Variants in CLASP1 observed in about 807,000 individuals in gnomAD.
CLASP1 encodes CLIP-associating protein 1.
In CLASP1, 38 loss-of-function variants were observed where a neutral mutation model predicts 192.3. The ratio of observed to expected loss-of-function variants is 0.20; its 90% CI spans 0.15 to 0.26. The LOEUF is 0.26. CLASP1 is among the 10% of genes least tolerant of loss of function. CLASP1 has a pLI of 1.00. For missense variants in CLASP1, 1,433 were observed against 1,932.5 expected (o/e 0.74, Z 4.85); for synonymous variants, 691 against 712.8 (o/e 0.97, Z 0.49).
rs191736856 is a variant in CLASP1, at chr2:121,433,167, C to A, written c.1913-2990G>T. Among the ~76,000 whole-genome samples the A allele has an allele frequency of 7.4e-4, 112 of 151,916 alleles. No homozygotes were observed. In the East Asian group the frequency reaches 0.022, roughly 29 times the overall value. On this transcript the variant is annotated intron_variant, in intron 19 of 39. Transcript: ENST00000263710. ...AGAAACCCCATTTCTACTAAAAATG[C>A]AAAAATTAGCTGGGCATGGTGGCGC... is the stretch of plus-strand genomic sequence containing the variant.
intron 6 of CLASP1, among the ~76,000 whole-genome samples, chr2:121,525,341 G>A (rs1489838059): frequency 6.6e-6 from 1 of 152,182 alleles, no homozygotes; most frequent in Non-Finnish European, 1.5e-5. Context: ...TTTAGGTAAA[G>A]TCTGCAGTTC....
chr2:121,397,966 C>T (rs192786190), intron 29 of CLASP1, among the ~76,000 whole-genome samples: 177 of 152,274 alleles, frequency 1.2e-3, no homozygotes, highest in African/African-American at 4.1e-3. Context: ...TCTCTACACA[C>T]AAGAATGTCT....
chr2:121,470,615 A>G (rs1239159689), intron 8 of CLASP1: 1 of 446,680 alleles, frequency 2.2e-6, no homozygotes, highest in Non-Finnish European at 4.4e-6. Context: ...ATTCCTCACC[A>G]TTAGAAATGC....
intron 14 of CLASP1, among the ~76,000 whole-genome samples, chr2:121,453,497 C>A (rs1412032699): frequency 6.6e-6 from 1 of 152,110 alleles, no homozygotes. Flanking sequence ...AGTGGTAGAG[C>A]AAGCCTTTTC....
At chr2:121,431,299 C>T (rs917785967) in intron 19 of CLASP1, among the ~76,000 whole-genome samples, 9 of 152,116 alleles carry the variant, frequency 5.9e-5, no homozygotes, top group African/African-American at 2.2e-4. Flanking sequence ...ATAATCTATA[C>T]AGAAGTGAAA....
intron 1 of CLASP1, among the ~76,000 whole-genome samples, chr2:121,623,877 TTTGAG>T (rs2106141025): frequency 6.6e-6 from 1 of 152,298 alleles, no homozygotes; most frequent in South Asian, 2.1e-4. Flanking sequence ...TCTATTTCTT[TTTGAG>T]TTAATTTCAG....
intron 1 of CLASP1, among the ~76,000 whole-genome samples, chr2:121,643,355 T>C (rs1011333022): frequency 2.0e-5 from 3 of 152,216 alleles, no homozygotes; most frequent in African/African-American, 7.2e-5. Context: ...AACTTCAATA[T>C]AAGCCAAGAT....
At chr2:121,353,819 C>A (rs544753537) in intron 37 of CLASP1, among the ~76,000 whole-genome samples, 1 of 152,270 alleles carries the variant, frequency 6.6e-6, no homozygotes, top group Non-Finnish European at 1.5e-5. Context: ...CAGATAGGGT[C>A]TTGCTCTGTT....
At chr2:121,514,505 TAA>T (rs1003135547) in intron 7 of CLASP1, among the ~76,000 whole-genome samples, 1 of 142,254 alleles carries the variant, frequency 7.0e-6, no homozygotes, top group Non-Finnish European at 1.5e-5. Context: ...CACAGGAACT[TAA>T]AAAAAAAAAA....
At position 121,531,039 on chromosome 2, in the gene CLASP1, C is replaced by G. The variant is rs72969389; in HGVS notation, c.196-714G>C. 4.6e-5 allele frequency: 32 copies of G among 698,970 alleles called. No homozygotes were observed. In the East Asian group the frequency reaches 4.8e-4, roughly 11 times the overall value. 43.3% of individuals were successfully genotyped at this position (698,970 alleles called of 1,614,324 possible). Reference sequence around the variant, plus strand: ...ACCTGTTTTCATAGACTTATCAGTTCAAACAGCAGTAATTCGTAAATAAAC... The same window carrying G: ...ACCTGTTTTCATAGACTTATCAGTTGAAACAGCAGTAATTCGTAAATAAAC... On this transcript the variant is annotated intron_variant, in intron 2 of 39. Transcript: ENST00000263710.
At position 121,636,737 on chromosome 2, in the gene CLASP1, G is replaced by A. The variant is rs367664727; in HGVS notation, c.-286+12635C>T. 9.9e-5 allele frequency among the ~76,000 whole-genome samples: 15 copies of A among 152,160 alleles called. No homozygotes were observed. In the South Asian group the frequency reaches 2.9e-3, roughly 30 times the overall value. On this transcript the variant is annotated intron_variant, in intron 1 of 39. Coordinates refer to ENST00000263710, the Ensembl canonical transcript of CLASP1. Reference sequence around the variant, plus strand: ...ATCCATAAAATGAGCCACATATTATGCTACCTAACTAGAACTTACCCAAAT... The same window carrying A: ...ATCCATAAAATGAGCCACATATTATACTACCTAACTAGAACTTACCCAAAT...
intron 7 of CLASP1, among the ~76,000 whole-genome samples, chr2:121,514,588 A>C (rs976692186): frequency 6.6e-6 from 1 of 152,194 alleles, no homozygotes; most frequent in Non-Finnish European, 1.5e-5. Context: ...ATTCCCATCT[A>C]ATCATCCTGT....
chr2:121,647,712 A>C (rs543841601), intron 1 of CLASP1, among the ~76,000 whole-genome samples: 1 of 152,374 alleles, frequency 6.6e-6, no homozygotes, highest in South Asian at 2.1e-4. Flanking sequence ...GTTCTAACAC[A>C]AATTTATGGT....
intron 7 of CLASP1, among the ~76,000 whole-genome samples, chr2:121,511,737 G>C (rs1027887736): frequency 2.0e-5 from 3 of 152,218 alleles, no homozygotes; most frequent in South Asian, 2.1e-4. Flanking sequence ...AATAAAAACA[G>C]TTGACAGCGT....
intron 7 of CLASP1, among the ~76,000 whole-genome samples, chr2:121,504,493 C>T (rs1248064364): frequency 1.3e-5 from 2 of 152,204 alleles, no homozygotes; most frequent in African/African-American, 4.8e-5. Flanking sequence ...CATGCAGACA[C>T]TCACTCAGGA....
chr2:121,422,182 A>C (rs535756704), intron 22 of CLASP1, among the ~76,000 whole-genome samples: 1 of 152,280 alleles, frequency 6.6e-6, no homozygotes, highest in East Asian at 1.9e-4. Flanking sequence ...TTTACATCTT[A>C]AGGAAGGGTC....
intron 1 of CLASP1, among the ~76,000 whole-genome samples, chr2:121,615,929 A>G (rs903274785): frequency 6.6e-6 from 1 of 152,256 alleles, no homozygotes; most frequent in East Asian, 1.9e-4. Flanking sequence ...TGTTCTTTTC[A>G]CTATACTACA....
At chr2:121,365,072 T>C in intron 36 of CLASP1, 22 bp downstream of exon 37, 1 of 1,613,546 alleles carries the variant, frequency 6.2e-7, no homozygotes, top group Non-Finnish European at 8.5e-7. Flanking sequence ...AGGGGCAAGA[T>C]AAGGCCAAAC....
chr2:121,450,372 G>A (rs1486378757), intron 16 of CLASP1, among the ~76,000 whole-genome samples: 1 of 151,968 alleles, frequency 6.6e-6, no homozygotes, highest in Non-Finnish European at 1.5e-5. Context: ...GAATACAGAG[G>A]CCATGGCCAC....
Sources: gnomAD v4.1 joint callset for allele counts (sites outside exome capture counted in the v4.1 genomes callset) on GRCh38, gnomAD v4.1.1 for gene constraint, MANE v1.5 for transcripts, NCBI Gene and HGNC (gene_info 2026-07-23, HGNC 2026-07-21) for gene names.